The following RNGTT variants were observed in gnomAD, a reference collection of about 807,000 sequenced individuals.
RNGTT encodes the protein mRNA-capping enzyme.
A neutral mutation model predicts 79.3 loss-of-function variants in RNGTT; 33 were observed. The observed-to-expected ratio is 0.42, with a 90% confidence interval of 0.32 to 0.56. The LOEUF (loss-of-function observed/expected upper bound fraction) is 0.56, where lower values mean the gene tolerates loss of function less well. RNGTT is among the 20% of genes least tolerant of loss of function. The pLI, the probability that RNGTT is intolerant of heterozygous loss-of-function variation, is 0.17. For synonymous variants in RNGTT, 222 were observed against 235.9 expected, an observed-to-expected ratio of 0.94 and a Z score of 0.54; for missense variants, 497 against 739.1, an observed-to-expected ratio of 0.67 and a Z score of 3.80.
At chr6:88,716,979 T>G (rs1236496143) in intron 13 of RNGTT, among the ~76,000 whole-genome samples, 1 of 152,040 alleles carries the variant, frequency 6.6e-6, no homozygotes, top group Non-Finnish European at 1.5e-5. Flanking sequence ...AAAAAAAATG[T>G]AAACTGAGCA....
intron 14 of RNGTT, among the ~76,000 whole-genome samples, chr6:88,656,506 A>T (rs1582287031): frequency 6.6e-6 from 1 of 152,182 alleles, no homozygotes; most frequent in East Asian, 1.9e-4. Flanking sequence ...TCTTTGGTTA[A>T]TAGAAAACTT....
At chr6:88,865,445 A>C (rs1782137171) in intron 8 of RNGTT, among the ~76,000 whole-genome samples, 1 of 152,154 alleles carries the variant, frequency 6.6e-6, no homozygotes. Context: ...GAAGAGAAAG[A>C]GATAAGTGAA....
At chr6:88,650,885 C>T (rs1268502700) in intron 14 of RNGTT, among the ~76,000 whole-genome samples, 1 of 152,068 alleles carries the variant, frequency 6.6e-6, no homozygotes, top group African/African-American at 2.4e-5. Flanking sequence ...TAGTAAACTT[C>T]CAAACAGGAT....
intron 13 of RNGTT, among the ~76,000 whole-genome samples, chr6:88,766,504 AC>A (rs995658454): frequency 1.3e-5 from 2 of 152,138 alleles, no homozygotes; most frequent in African/African-American, 4.8e-5. Context: ...GCTAAGATAT[AC>A]AAAAGTTATA....
At chr6:88,678,286 C>T in intron 14 of RNGTT, 67 bp downstream of exon 14, 1 of 1,559,704 alleles carries the variant, frequency 6.4e-7, no homozygotes, top group Non-Finnish European at 8.7e-7. Flanking sequence ...TTATTATTAG[C>T]AAGGTTTTGA....
intron 2 of RNGTT, among the ~76,000 whole-genome samples, chr6:88,931,510 C>T (rs878966750): frequency 3.9e-5 from 6 of 152,150 alleles, no homozygotes; most frequent in Middle Eastern, 3.4e-3. Context: ...AGTAAGTGAA[C>T]GTATTGTCTA....
chr6:88,940,112 G>A (rs1189635095), intron 2 of RNGTT, among the ~76,000 whole-genome samples: 1 of 143,306 alleles, frequency 7.0e-6, no homozygotes, highest in Non-Finnish European at 1.5e-5. Flanking sequence ...GTCTCACTCT[G>A]TTGCCTGGGT....
At chr6:88,666,267 A>C (rs2127784253) in intron 14 of RNGTT, among the ~76,000 whole-genome samples, 1 of 152,352 alleles carries the variant, frequency 6.6e-6, no homozygotes, top group Middle Eastern at 3.4e-3. Flanking sequence ...GAAAGAAAAA[A>C]AATAGCAGTC....
intron 12 of RNGTT, among the ~76,000 whole-genome samples, chr6:88,795,805 G>A (rs1408033741): frequency 6.6e-6 from 1 of 152,148 alleles, no homozygotes; most frequent in Non-Finnish European, 1.5e-5. Context: ...TCGCAATACT[G>A]CAATGCACTA....
rs1442706435 is a variant in RNGTT at position 88,611,508 on chromosome 6, A to G, written c.*1211T>C. 1 of 152,526 alleles carries G rather than the reference A, an allele frequency of 6.6e-6. No homozygotes were observed. Among genetic ancestry groups the G allele is most frequent in the Admixed American group, 6.5e-5 (1 of 15,284 alleles). The allele number at this position is 152,526 out of a possible 1,614,324, so 9.4% of individuals were successfully genotyped here. On this transcript the variant is annotated 3_prime_UTR_variant, in exon 16 of 16. Transcript: ENST00000369485. ...ACAAACCAATTAGAACAGTTTATCA[A>G]CAATGGCAGACAATCAATTAGCCGC... is the stretch of plus-strand genomic sequence containing the variant.
At chr6:88,847,869 T>G (rs1781535211) in intron 10 of RNGTT, among the ~76,000 whole-genome samples, 2 of 151,344 alleles carry the variant, frequency 1.3e-5, no homozygotes, top group Non-Finnish European at 3.0e-5. Flanking sequence ...GATAATTGAC[T>G]CCTACATATT....
At chr6:88,924,124 G>C (rs1784246741) in intron 4 of RNGTT, among the ~76,000 whole-genome samples, 1 of 152,226 alleles carries the variant, frequency 6.6e-6, no homozygotes, top group Non-Finnish European at 1.5e-5. Flanking sequence ...AAGAACTTTA[G>C]GCTGGTCCCC....
intron 1 of RNGTT, among the ~76,000 whole-genome samples, chr6:88,962,775 A>T (rs941098373): frequency 7.2e-5 from 11 of 151,956 alleles, no homozygotes; most frequent in Non-Finnish European, 1.3e-4. Context: ...TTTAATAAAT[A>T]AAAAAATTAG....
At chr6:88,731,322 A>G (rs1211152072) in intron 13 of RNGTT, among the ~76,000 whole-genome samples, 1 of 152,224 alleles carries the variant, frequency 6.6e-6, no homozygotes, top group African/African-American at 2.4e-5. Flanking sequence ...ACTTCCTATT[A>G]TCCAAAATAT....
At chr6:88,624,591 C>T (rs74784653) in intron 14 of RNGTT, among the ~76,000 whole-genome samples, 4,562 of 151,728 alleles carry the variant, frequency 0.03, 229 homozygotes, top group African/African-American at 0.1. Context: ...GTAAAGTACA[C>T]CTAAATAAAT....
At position 88,789,815 on chromosome 6, in the gene RNGTT, A is replaced by G. The variant is rs115722885; in HGVS notation, c.1338+11749T>C. Reference sequence around the variant, plus strand: ...TCTGTGGTACCAGAGGATGGATAACAGGCTTTGCCTGTGCTTCATCAGGAC... The same window carrying G: ...TCTGTGGTACCAGAGGATGGATAACGGGCTTTGCCTGTGCTTCATCAGGAC... On this transcript the variant is annotated intron_variant, in intron 12 of 15. Transcript: ENST00000369485. Among the ~76,000 whole-genome samples, 352 of 152,362 alleles carry G rather than the reference A, an allele frequency of 2.3e-3. 1 individual carries two copies. The highest frequency in any genetic ancestry group is 8.0e-3 in the African/African-American group (333 of 41,588).
At chr6:88,945,154 A>G (rs1200274540) in intron 1 of RNGTT, among the ~76,000 whole-genome samples, 1 of 152,180 alleles carries the variant, frequency 6.6e-6, no homozygotes, top group Non-Finnish European at 1.5e-5. Context: ...TGGCCACGCT[A>G]TCCCCATTCT....
chr6:88,801,946 T>C (rs1289485814), intron 11 of RNGTT, among the ~76,000 whole-genome samples: 1 of 151,972 alleles, frequency 6.6e-6, no homozygotes, highest in Non-Finnish European at 1.5e-5. Context: ...TGAAAACATA[T>C]TTTTAAATGT....
chr6:88,960,957 G>A (rs953819338), intron 1 of RNGTT, among the ~76,000 whole-genome samples: 2 of 152,190 alleles, frequency 1.3e-5, no homozygotes, highest in African/African-American at 2.4e-5. Flanking sequence ...GTGTCAACTC[G>A]ATTGGATTGA....
Sources: gnomAD v4.1 joint callset for allele counts (sites outside exome capture counted in the v4.1 genomes callset) on GRCh38, gnomAD v4.1.1 for gene constraint, MANE v1.5 for transcripts, NCBI Gene and HGNC (gene_info 2026-07-23, HGNC 2026-07-21) for gene names.